The following RBMS3 variants were observed in gnomAD, a reference collection of about 807,000 sequenced individuals.
RBMS3 encodes the protein RNA-binding motif, single-stranded-interacting protein 3.
A neutral mutation model predicts 66.8 loss-of-function variants in RBMS3; 27 were observed. The ratio of observed to expected loss-of-function variants is 0.40; its 90% CI spans 0.30 to 0.56. The LOEUF (loss-of-function observed/expected upper bound fraction) is 0.56, where lower values mean the gene tolerates loss of function less well. Among genes scored for constraint, RBMS3 ranks in the 20% least tolerant of loss-of-function variants. The pLI, the probability that RBMS3 is intolerant of heterozygous loss-of-function variation, is 0.40. For missense variants in RBMS3, 513 were observed against 549.5 expected, an observed-to-expected ratio of 0.93 and a Z score of 0.66; for synonymous variants, 188 against 183.0, an observed-to-expected ratio of 1.03 and a Z score of -0.22.
chr3:29,993,615 C>A (rs1412629233), intron 14 of RBMS3, among the ~76,000 whole-genome samples: 1 of 152,156 alleles, frequency 6.6e-6, no homozygotes, highest in Non-Finnish European at 1.5e-5. Context: ...AAAGATTGAA[C>A]CTCTCATGAA....
At chr3:29,893,961 G>T (rs1305712081) in intron 8 of RBMS3, among the ~76,000 whole-genome samples, 2 of 151,434 alleles carry the variant, frequency 1.3e-5, no homozygotes, top group African/African-American at 4.8e-5. Context: ...CTATCTCCCA[G>T]GCTCTGTTCT....
chr3:29,871,394 G>GTTTT (rs2059488402), intron 7 of RBMS3, among the ~76,000 whole-genome samples: 1 of 152,030 alleles, frequency 6.6e-6, no homozygotes, highest in Admixed American at 6.6e-5. Context: ...TTGTTTGTTT[G>GTTTT]TTTGTTTGTT....
chr3:29,633,390 A>G (rs115451396), intron 4 of RBMS3, among the ~76,000 whole-genome samples: 2,330 of 151,998 alleles, frequency 0.015, 65 homozygotes, highest in African/African-American at 0.053. Context: ...ACCATGAGAT[A>G]TAAGAGGGGC....
intron 6 of RBMS3, among the ~76,000 whole-genome samples, chr3:29,849,784 T>G (rs1197504299): frequency 6.6e-6 from 1 of 152,162 alleles, no homozygotes; most frequent in Non-Finnish European, 1.5e-5. Flanking sequence ...TGATGGCCAT[T>G]TTAATAACAA....
At chr3:29,690,847 A>T (rs946002716) in intron 4 of RBMS3, among the ~76,000 whole-genome samples, 12 of 152,356 alleles carry the variant, frequency 7.9e-5, no homozygotes, top group African/African-American at 2.4e-4. Flanking sequence ...TTTATCACCT[A>T]GAAAAGAATG....
chr3:29,546,108 TTGTGTGTGTGTGTG>T (rs71091070), intron 3 of RBMS3, among the ~76,000 whole-genome samples: 14,316 of 146,004 alleles, frequency 0.098, 731 homozygotes, highest in Middle Eastern at 0.16. Flanking sequence ...TGAGACGGGT[TTGTGTGTGTGTGTG>T]TGTGTGTGTG....
intron 4 of RBMS3, among the ~76,000 whole-genome samples, chr3:29,592,068 C>A (rs2047756004): frequency 6.6e-6 from 1 of 151,340 alleles, no homozygotes; most frequent in Admixed American, 6.6e-5. Context: ...AAATCAATGA[C>A]CTTGACAGTA....
chr3:29,638,898 C>T (rs564615080), intron 4 of RBMS3, among the ~76,000 whole-genome samples: 7 of 151,814 alleles, frequency 4.6e-5, no homozygotes, highest in Non-Finnish European at 8.8e-5. Context: ...TAATGTATAT[C>T]GCTGTAAATT....
intron 3 of RBMS3, among the ~76,000 whole-genome samples, chr3:29,561,928 G>GT (rs913079710): frequency 2.6e-5 from 4 of 151,848 alleles, no homozygotes; most frequent in East Asian, 1.9e-4. Flanking sequence ...GTCATTTGTG[G>GT]TTTTTTTCAT....
intron 7 of RBMS3, among the ~76,000 whole-genome samples, chr3:29,869,918 A>G (rs910237944): frequency 3.3e-5 from 5 of 152,178 alleles, no homozygotes; most frequent in Admixed American, 6.6e-5. Context: ...AGTGGTAAAG[A>G]AGAAAGGAAG....
At chr3:29,341,640 G>A (rs1207451635) in intron 1 of RBMS3, among the ~76,000 whole-genome samples, 1 of 152,120 alleles carries the variant, frequency 6.6e-6, no homozygotes, top group East Asian at 1.9e-4. Flanking sequence ...ACATTGCACT[G>A]ATGACCCCCA....
At position 29,529,287 on chromosome 3, in the gene RBMS3, G is replaced by C. The variant is rs537917422; in HGVS notation, c.307+40788G>C. Among the ~76,000 whole-genome samples the C allele has an allele frequency of 1.2e-4, 18 of 152,180 alleles. No individual in the cohort carries two copies. In the East Asian group the frequency reaches 3.3e-3, roughly 28 times the overall value. On this transcript the variant is annotated intron_variant, in intron 3 of 14. Transcript: ENST00000383767. The stretch of plus-strand genomic sequence containing the variant: ...TATTTGAGAGGTTTTCTCATAAACA[G>C]GATCTAATCTTCCAAATTGTGTCTA...
At chr3:29,790,604 A>C (rs1057489194) in intron 6 of RBMS3, among the ~76,000 whole-genome samples, 8 of 152,186 alleles carry the variant, frequency 5.3e-5, no homozygotes, top group African/African-American at 1.9e-4. Context: ...CTCTAAAATG[A>C]CCCAGCCAAT....
chr3:29,368,503 G>A (rs1376379435), intron 1 of RBMS3, among the ~76,000 whole-genome samples: 1 of 151,724 alleles, frequency 6.6e-6, no homozygotes, highest in Non-Finnish European at 1.5e-5. Flanking sequence ...AATTCTAAAA[G>A]GCTTCAATCT....
At chr3:29,298,288 A>G (rs1308302774) in intron 1 of RBMS3, among the ~76,000 whole-genome samples, 2 of 151,876 alleles carry the variant, frequency 1.3e-5, no homozygotes, top group Admixed American at 1.3e-4. Flanking sequence ...TCCTTTTGGT[A>G]TATCCTATTA....
intron 4 of RBMS3, among the ~76,000 whole-genome samples, chr3:29,706,688 A>G (rs1372593064): frequency 1.3e-5 from 2 of 152,344 alleles, no homozygotes; most frequent in East Asian, 3.9e-4. Context: ...CGTGAATGAA[A>G]AAGATGTTCA....
At chr3:29,295,140 A>C (rs1056315050) in intron 1 of RBMS3, among the ~76,000 whole-genome samples, 1 of 151,388 alleles carries the variant, frequency 6.6e-6, no homozygotes, top group Non-Finnish European at 1.5e-5. Flanking sequence ...CTAAGAGTAC[A>C]AACTGTGATT....
At chr3:29,977,833 G>GA (rs1265027252) in intron 12 of RBMS3, among the ~76,000 whole-genome samples, 28 of 151,242 alleles carry the variant, frequency 1.9e-4, no homozygotes, top group African/African-American at 6.6e-4. Flanking sequence ...CCCTATATCT[G>GA]AAATATGCAA....
At chr3:29,787,027 A>G (rs576312996) in intron 6 of RBMS3, among the ~76,000 whole-genome samples, 2 of 152,330 alleles carry the variant, frequency 1.3e-5, no homozygotes, top group Non-Finnish European at 2.9e-5. Flanking sequence ...AAGGACATGA[A>G]TAGACAATTC....
Sources: gnomAD v4.1 joint callset for allele counts (sites outside exome capture counted in the v4.1 genomes callset) on GRCh38, gnomAD v4.1.1 for gene constraint, MANE v1.5 for transcripts, NCBI Gene and HGNC (gene_info 2026-07-23, HGNC 2026-07-21) for gene names.